CD3G: variants seen among roughly 807,000 people sequenced by gnomAD.
The protein encoded by CD3G is T-cell surface glycoprotein CD3 gamma chain.
CD3G carries 24 observed loss-of-function variants against 28.3 expected under a neutral mutation model. That is an observed-to-expected ratio of 0.85 (90% CI 0.61 to 1.19). The LOEUF (loss-of-function observed/expected upper bound fraction) is 1.19, where lower values mean the gene tolerates loss of function less well. CD3G is among the 50% of genes most tolerant of loss of function. The probability of loss-of-function intolerance (pLI) is 0.00; values close to 1 mark genes in which losing one functional copy is unlikely to be tolerated. For missense variants in CD3G, 211 were observed against 210.0 expected (o/e 1.00, Z -0.03); for synonymous variants, 71 against 75.9 (o/e 0.93, Z 0.34).
At position 118,352,453 on chromosome 11, in the gene CD3G, A is replaced by G; in HGVS notation, c.533A>G (p.Gln178Arg). Reference sequence around the variant, plus strand: ...CAGTACAGCCACCTTCAAGGAAACCAGTTGAGGAGGAATTGAACTCAGGAC... The same window carrying G: ...CAGTACAGCCACCTTCAAGGAAACCGGTTGAGGAGGAATTGAACTCAGGAC... ...DDQYSHLQGN[Q>R]LRRN The change falls in exon 6 of 7, where the codon CAG becomes CGG. Residue 178 changes from glutamine to arginine, a missense_variant. Transcript: ENST00000532917. The G allele has an allele frequency of 6.2e-7, 1 of 1,613,996 alleles. No homozygotes were observed. The highest frequency in any genetic ancestry group is 8.5e-7 in the Non-Finnish European group (1 of 1,179,888).
intron 1 of CD3G, 25 bp from the exon 2 acceptor site, chr11:118,349,002 C>T (rs200092023): frequency 6.2e-6 from 10 of 1,613,902 alleles, no homozygotes; most frequent in South Asian, 1.1e-5. Context: ...CCAGCTAATA[C>T]TCTATCTCTC....
chr11:118,350,895 AAAAAAAAAC>A, intron 4 of CD3G: 4 of 1,229,094 alleles, frequency 3.3e-6, no homozygotes, highest in South Asian at 1.7e-5. Flanking sequence ...CTGTGAAAAA[AAAAAAAAAC>A]AAAAACAGGC....
chr11:118,348,956 A>G (rs1470333690), intron 1 of CD3G, 71 bp from the exon 2 acceptor site: 1 of 1,542,394 alleles, frequency 6.5e-7, no homozygotes, highest in East Asian at 2.2e-5. Context: ...TCAAATAACC[A>G]TGGAAATACT....
intron 5 of CD3G, among the ~76,000 whole-genome samples, chr11:118,352,077 G>C (rs1007869331): frequency 6.6e-6 from 1 of 151,998 alleles, no homozygotes; most frequent in African/African-American, 2.4e-5. Context: ...TTAACCAGGC[G>C]TGGAGGCGCG....
At chr11:118,348,974 A>C in intron 1 of CD3G, 53 bp from the exon 2 acceptor site, 2 of 1,597,604 alleles carry the variant, frequency 1.3e-6, no homozygotes, top group South Asian at 2.2e-5. Context: ...ACTTCAGGGC[A>C]TCTGAACAAC....
At chr11:118,351,755 T>G in intron 5 of CD3G, 84 bp downstream of exon 5, 1 of 1,285,012 alleles carries the variant, frequency 7.8e-7, no homozygotes, top group Middle Eastern at 1.8e-4. Context: ...ATTTGGAAGA[T>G]CCTATACAGG....
intron 4 of CD3G, among the ~76,000 whole-genome samples, chr11:118,351,082 G>A (rs1050961382): frequency 1.3e-5 from 2 of 151,366 alleles, no homozygotes; most frequent in African/African-American, 2.4e-5. Context: ...CAGCTACTCT[G>A]GAGGCTGAGG....
chr11:118,349,163 G>C, intron 2 of CD3G, 113 bp downstream of exon 2: 2 of 1,609,668 alleles, frequency 1.2e-6, no homozygotes, highest in Non-Finnish European at 1.7e-6. Flanking sequence ...AAATGACGGG[G>C]ATAGAGAGGT....
In CD3G at chr11:118,355,142, A is replaced by T. The variant is rs1948439150; in HGVS notation, c.*2042A>T. On this transcript the variant is annotated 3_prime_UTR_variant, in exon 7 of 7. Transcript: ENST00000532917. ...ATAAGACTATTTGTAACAAACACAA[A>T]TAAATTGAATTGTTGGGCACTTGTA... is the stretch of plus-strand genomic sequence containing the variant. 6.6e-6 allele frequency: 1 copy of T among 151,954 alleles called. No homozygotes were observed. The highest frequency in any genetic ancestry group is 1.9e-4 in the East Asian group (1 of 5,194). The allele number at this position is 151,954 out of a possible 1,614,324, so 9.4% of individuals were successfully genotyped here.
rs568937392 is a variant in CD3G at position 118,350,702 on chromosome 11, A to T, written c.439+19A>T. 6.2e-7 allele frequency: 1 copy of T among 1,613,548 alleles called. No homozygotes were observed. The highest frequency in any genetic ancestry group is 1.1e-5 in the South Asian group (1 of 91,010). ...TCGAGAGGTAAAAGAATGCTCTTAG[A>T]TGAGAGATGGGACCACCTGAGACCC... is the stretch of plus-strand genomic sequence containing the variant. On this transcript the variant is annotated intron_variant, in intron 4 of 6. Transcript: ENST00000532917.
At chr11:118,353,019 A>G (rs1948423250) in intron 6 of CD3G, 100 bp from the exon 7 acceptor site, 1 of 160,470 alleles carries the variant, frequency 6.2e-6, no homozygotes, top group Non-Finnish European at 1.4e-5. Context: ...ATCAGTCAGA[A>G]GTTATGATTT....
chr11:118,352,520 C>A (rs1288628198), intron 6 of CD3G, 33 bp downstream of exon 6: 2 of 1,431,860 alleles, frequency 1.4e-6, no homozygotes, highest in Admixed American at 3.3e-5. Context: ...TAATAAAGGA[C>A]CCTTGCATCA....
rs2134073314 is a variant in CD3G at position 118,353,164 on chromosome 11, AT to A, written c.*68del. On this transcript the variant is annotated 3_prime_UTR_variant, in exon 7 of 7. Coordinates refer to ENST00000532917, the MANE Select transcript of CD3G (RefSeq NM_000073.3). ...TCAGTTCCCAGAATCAAAGCAATGC[AT>A]TTTGGAAAGCTCCTAGCAGAGAGAC... 6.5e-6 allele frequency: 1 copy of A among 153,106 alleles called. No individual in the cohort carries two copies. The highest frequency in any genetic ancestry group is 1.9e-4 in the East Asian group (1 of 5,190). The allele number at this position is 153,106 out of a possible 1,614,324, so 9.5% of individuals were successfully genotyped here.
Position 118,354,304 on chromosome 11 carries a change from C to CTTTTTTTTTTTTTTTTTTTTTTTTTTTT in CD3G, c.*1220_*1221insTTTTTTTTTTTTTTTTTTTTTTTTTTTT, listed in dbSNP as rs71041832. The stretch of plus-strand genomic sequence containing the variant: ...TTTTTTCTTTTCTTTTCTTTTTTTT[C>CTTTTTTTTTTTTTTTTTTTTTTTTTTTT]TTTTTTTTTTTTTTTTGAAGTGGAA... On this transcript the variant is annotated 3_prime_UTR_variant, in exon 7 of 7. Transcript: ENST00000532917. 9 of 124,082 alleles carry CTTTTTTTTTTTTTTTTTTTTTTTTTTTT rather than the reference C, an allele frequency of 7.3e-5. No individual in the cohort carries two copies. The highest frequency in any genetic ancestry group is 1.0e-4 in the Non-Finnish European group (6 of 59,902). The allele number at this position is 124,082 out of a possible 1,614,324, so 7.7% of individuals were successfully genotyped here.
chr11:118,349,172 G>A lies in CD3G; in HGVS notation c.79+122G>A. The A allele has an allele frequency of 3.1e-6, 5 of 1,607,204 alleles. No homozygotes were observed. The South Asian group carries it at 5.5e-5, about 18-fold the overall frequency. ...TGAATGAAATGACGGGGATAGAGAG[G>A]TGATGTCTCTATTGTCAACCAAATC... On this transcript the variant is annotated intron_variant, in intron 2 of 6. Transcript: ENST00000532917.
chr11:118,352,306 C>G, intron 5 of CD3G, 98 bp from the exon 6 acceptor site: 1 of 988,764 alleles, frequency 1.0e-6, no homozygotes, highest in East Asian at 2.4e-5. Context: ...GAAGTACCCA[C>G]TCCAAATTCT....
At chr11:118,344,556 G>C in intron 1 of CD3G, 78 bp downstream of exon 1, 2 of 1,242,496 alleles carry the variant, frequency 1.6e-6, no homozygotes, top group Non-Finnish European at 2.3e-6. Flanking sequence ...CAGGAATATT[G>C]GTATCCCTAA....
In CD3G at chr11:118,348,000, G is replaced by C. The variant is rs187785305; in HGVS notation, c.56-1027G>C. 2.9e-3 allele frequency among the ~76,000 whole-genome samples: 445 copies of C among 152,298 alleles called. 4 individuals carry two copies. Among genetic ancestry groups the C allele is most frequent in the African/African-American group, 0.01 (428 of 41,562 alleles). On this transcript the variant is annotated intron_variant, in intron 1 of 6. Coordinates refer to ENST00000532917, the MANE Select transcript of CD3G (RefSeq NM_000073.3). ...GACATCCAGGGTTTTTATAATAAAA[G>C]GATCACCAAGGCTGAATATTTTATA...
At chr11:118,344,519 C>G (rs200390526) in intron 1 of CD3G, 41 bp downstream of exon 1, 8 of 1,487,830 alleles carry the variant, frequency 5.4e-6, no homozygotes, top group African/African-American at 2.8e-5. Context: ...GGGAAGGGCT[C>G]AAGGGAAGAG....
Sources: gnomAD v4.1 joint callset for allele counts (sites outside exome capture counted in the v4.1 genomes callset) on GRCh38, gnomAD v4.1.1 for gene constraint, MANE v1.5 for transcripts, NCBI Gene and HGNC (gene_info 2026-07-23, HGNC 2026-07-21) for gene names.